GLS: variants seen among roughly 807,000 people sequenced by gnomAD.
The protein encoded by GLS is glutaminase.
GLS carries 36 observed loss-of-function variants against 86.7 expected under a neutral mutation model. That is an observed-to-expected ratio of 0.42 (90% CI 0.32 to 0.55). The LOEUF (loss-of-function observed/expected upper bound fraction) is 0.55, where lower values mean the gene tolerates loss of function less well. Among genes scored for constraint, GLS ranks in the 20% least tolerant of loss-of-function variants. GLS has a pLI of 0.17. For missense variants in GLS, 528 were observed against 833.4 expected, an observed-to-expected ratio of 0.63 and a Z score of 4.51; for synonymous variants, 317 against 305.9, an observed-to-expected ratio of 1.04 and a Z score of -0.38.
intron 14 of GLS, among the ~76,000 whole-genome samples, chr2:190,942,067 C>CTTTTTGTTTTT (rs1690450964): frequency 2.6e-5 from 1 of 38,054 alleles, no homozygotes; most frequent in Non-Finnish European, 5.8e-5. Context: ...ACTTTGAAGA[C>CTTTTTGTTTTT]TTTTTTTTTT....
In GLS at chr2:190,880,893, AGCAGCAG is replaced by A; in HGVS notation, c.-191_-185del. The stretch of plus-strand genomic sequence containing the variant: ...AGCGCGCAGCAGCAGCAGCAGCAGC[AGCAGCAG>A]CAGCAGCAGCAGCAGCAGCACCCGC... On this transcript the variant is annotated 5_prime_UTR_variant, in exon 1 of 18. Coordinates refer to ENST00000320717, the MANE Select transcript of GLS (RefSeq NM_014905.5). 2.0e-6 allele frequency: 1 copy of A among 511,368 alleles called. No homozygotes were observed. Among genetic ancestry groups the A allele is most frequent in the African/African-American group, 2.6e-5 (1 of 37,764 alleles). 31.7% of individuals were successfully genotyped at this position (511,368 alleles called of 1,614,324 possible).
chr2:190,915,813 AT>A (rs994535593), intron 7 of GLS, among the ~76,000 whole-genome samples: 21 of 152,200 alleles, frequency 1.4e-4, no homozygotes, highest in African/African-American at 4.6e-4. Flanking sequence ...GGTGTGAACC[AT>A]TGTAATAACT....
intron 14 of GLS, among the ~76,000 whole-genome samples, chr2:190,950,661 T>G (rs1229305185): frequency 1.3e-5 from 2 of 152,178 alleles, no homozygotes; most frequent in African/African-American, 2.4e-5. Context: ...TAGGACACCT[T>G]GGTGGGAAGA....
At chr2:190,898,639 CT>C (rs1006620009) in intron 3 of GLS, among the ~76,000 whole-genome samples, 2 of 151,080 alleles carry the variant, frequency 1.3e-5, no homozygotes, top group African/African-American at 4.9e-5. Flanking sequence ...ATTATAAATC[CT>C]TTTTTTTTGA....
At position 190,964,428 on chromosome 2, in the gene GLS, CTTT is replaced by C. The variant is rs112472193; in HGVS notation, c.*1449_*1451del. 1.3e-5 allele frequency: 2 copies of C among 151,444 alleles called. No individual in the cohort carries two copies. The highest frequency in any genetic ancestry group is 6.6e-5 in the Admixed American group (1 of 15,174). 9.4% of individuals were successfully genotyped at this position (151,444 alleles called of 1,614,324 possible). A position where few individuals can be genotyped will look rare whatever the true frequency, so the allele number is the denominator to read the frequency against. ...AGTTGTTATCACATACAGCAAATTC[CTTT>C]TTTTTTCTTTTTCTATGAGCACACT... On this transcript the variant is annotated 3_prime_UTR_variant, in exon 18 of 18. Transcript: ENST00000320717. The surrounding 1 kb of genome is among the most constrained non-coding windows in gnomAD (Gnocchi z 5.2).
rs1004769426 is a variant in GLS at position 190,956,068 on chromosome 2, G to A, written c.1853+1250G>A. ...CGCAAAAATTTTCTCCCATTCTGTA[G>A]GTTGCCTGTTCGCCCTGATGATAGT... On this transcript the variant is annotated intron_variant, in intron 17 of 17. Transcript: ENST00000320717. The surrounding 1 kb of genome is among the most constrained non-coding windows in gnomAD (Gnocchi z 4.2). Among the ~76,000 whole-genome samples, 3 of 152,152 alleles carry A rather than the reference G, an allele frequency of 2.0e-5. No individual in the cohort carries two copies. In the East Asian group the frequency reaches 5.8e-4, roughly 29 times the overall value.
intron 5 of GLS, 117 bp downstream of exon 5, chr2:190,902,143 T>C (rs1178259907): frequency 1.7e-6 from 1 of 599,468 alleles, no homozygotes; most frequent in African/African-American, 1.9e-5. Context: ...CAGGATATAA[T>C]TTCAAAAGGT....
intron 6 of GLS, among the ~76,000 whole-genome samples, chr2:190,908,710 A>G (rs950188235): frequency 3.3e-5 from 5 of 152,244 alleles, no homozygotes; most frequent in Non-Finnish European, 5.9e-5. Flanking sequence ...TTTATACTGC[A>G]GTTAGGCTGG....
At chr2:190,937,293 A>G (rs1206319874) in intron 14 of GLS, among the ~76,000 whole-genome samples, 1 of 151,338 alleles carries the variant, frequency 6.6e-6, no homozygotes, top group Non-Finnish European at 1.5e-5. Context: ...AAGGAATTTA[A>G]TTGGGTTGGG....
At position 190,881,217 on chromosome 2, in the gene GLS, G is replaced by A; in HGVS notation, c.133G>A (p.Ala45Thr). The A allele has an allele frequency of 8.0e-7, 1 of 1,247,224 alleles. No homozygotes were observed. Among genetic ancestry groups the A allele is most frequent in the Non-Finnish European group, 1.0e-6 (1 of 998,974 alleles). The allele number at this position is 1,247,224 out of a possible 1,614,324, so 77.3% of individuals were successfully genotyped here. ...GCGTCCCCGAGGCGGGGGACGGCCG[G>A]CCGCGGGCCCGGCTGCCGCCGCGCG... is the stretch of plus-strand genomic sequence containing the variant. Reference protein sequence around the residue: ...CRRPRGGGRPAAGPAAAARLH... With the variant: ...CRRPRGGGRPTAGPAAAARLH... Residue 45 changes from alanine to threonine, a missense_variant, in exon 1 of 18, where the codon GCC becomes ACC. Ala to Thr is a moderately conservative substitution (Grantham distance 58, BLOSUM62 0). Transcript: ENST00000320717.
In GLS at chr2:190,964,714, G is replaced by GGTAGCATTTGTAAGATGCTGCACAGGA. The variant is rs1691083904; in HGVS notation, c.*1730_*1756dup. 5 of 152,266 alleles carry GGTAGCATTTGTAAGATGCTGCACAGGA rather than the reference G, an allele frequency of 3.3e-5. No individual in the cohort carries two copies. The South Asian group carries it at 1.0e-3, about 32-fold the overall frequency. 9.4% of individuals were successfully genotyped at this position (152,266 alleles called of 1,614,324 possible). A position where few individuals can be genotyped will look rare whatever the true frequency, so the allele number is the denominator to read the frequency against. The stretch of plus-strand genomic sequence containing the variant: ...GTGGATCTAGCAAGCCATGGAGACA[G>GGTAGCATTTGTAAGATGCTGCACAGGA]GTAGCATTTGTAAGATGCTGCACAG... On this transcript the variant is annotated 3_prime_UTR_variant, in exon 18 of 18. Coordinates refer to ENST00000320717, the MANE Select transcript of GLS (RefSeq NM_014905.5). This position sits in a 1 kb window ranked among gnomAD's most constrained non-coding sequence, Gnocchi z 5.2.
rs927456426 is a variant in GLS, at chr2:190,947,905, G to A, written c.1651-5660G>A. ...TGTGTCAGCTTAGTTGGAAATACTC[G>A]TGGCGCTCTTTAACAGACCAGGAAG... On this transcript the variant is annotated intron_variant, in intron 14 of 17. Transcript: ENST00000320717. This position sits in a 1 kb window ranked among gnomAD's most constrained non-coding sequence, Gnocchi z 5.0. Among the ~76,000 whole-genome samples, 3 of 152,142 alleles carry A rather than the reference G, an allele frequency of 2.0e-5. No individual in the cohort carries two copies. Among genetic ancestry groups the A allele is most frequent in the African/African-American group, 7.2e-5 (3 of 41,424 alleles).
chr2:190,954,616 G>C lies in GLS; in HGVS notation c.1745G>C (p.Arg582Pro). Residue 582 changes from arginine (R) to proline (P), a missense_variant, in exon 16 of 18, where the codon CGG (arginine) becomes CCG (proline). By Grantham distance (103) the Arg-to-Pro change is moderately radical (BLOSUM62 -2). Transcript: ENST00000320717. This position sits in a 1 kb window ranked among gnomAD's most constrained non-coding sequence, Gnocchi z 4.0. ...FALSAMDMEQ[R>P]DYDSRTALHV... ...TTGTCAGCTATGGACATGGAACAGC[G>C]GGACTATGATTCTAGAACAGCACTC... 6.2e-7 allele frequency: 1 copy of C among 1,613,116 alleles called. No homozygotes were observed. Among genetic ancestry groups the C allele is most frequent in the Non-Finnish European group, 8.5e-7 (1 of 1,179,212 alleles).
At chr2:190,957,353 A>C (rs1690885098) in intron 17 of GLS, among the ~76,000 whole-genome samples, 3 of 152,130 alleles carry the variant, frequency 2.0e-5, no homozygotes, top group African/African-American at 7.2e-5. Flanking sequence ...TGGCCTCCCA[A>C]AGTGCTGGGA....
chr2:190,893,634 G>A (rs1222240499), intron 1 of GLS, among the ~76,000 whole-genome samples: 1 of 152,158 alleles, frequency 6.6e-6, no homozygotes, highest in East Asian at 1.9e-4. Context: ...TACCCACTCT[G>A]GAGTGTGGTG....
chr2:190,928,777 T>G (rs1689990040), intron 12 of GLS, among the ~76,000 whole-genome samples: 1 of 151,128 alleles, frequency 6.6e-6, no homozygotes, highest in Admixed American at 6.6e-5. Flanking sequence ...TTATTTTTGG[T>G]TGGAAAAACT....
chr2:190,887,312 G>A (rs1440353787), intron 1 of GLS, among the ~76,000 whole-genome samples: 1 of 152,106 alleles, frequency 6.6e-6, no homozygotes, highest in Non-Finnish European at 1.5e-5. Flanking sequence ...AGTCATCACT[G>A]CACTTAGTGA....
chr2:190,953,183 T>G lies in GLS; in HGVS notation c.1651-382T>G, dbSNP rs1395435981. ...GACATTTATATAGCATGATTTAATTTTTAATAATGTGAATTTTATCAGCAT... is the reference window on the plus strand; with the variant it reads ...GACATTTATATAGCATGATTTAATTGTTAATAATGTGAATTTTATCAGCAT... On this transcript the variant is annotated intron_variant, in intron 14 of 17. Coordinates refer to ENST00000320717, the MANE Select transcript of GLS (RefSeq NM_014905.5). The surrounding 1 kb of genome is among the most constrained non-coding windows in gnomAD (Gnocchi z 4.0). Among the ~76,000 whole-genome samples, 1 of 152,216 alleles carries G rather than the reference T, an allele frequency of 6.6e-6. No homozygotes were observed. Among genetic ancestry groups the G allele is most frequent in the East Asian group, 1.9e-4 (1 of 5,208 alleles).
Position 190,921,263 on chromosome 2 carries a change from C to A in GLS, c.1130+60C>A, listed in dbSNP as rs1044729707. The A allele has an allele frequency of 9.3e-7, 1 of 1,077,682 alleles. No homozygotes were observed. Among genetic ancestry groups the A allele is most frequent in the Non-Finnish European group, 1.4e-6 (1 of 694,432 alleles). 66.8% of individuals were successfully genotyped at this position (1,077,682 alleles called of 1,614,324 possible). A position where few individuals can be genotyped will look rare whatever the true frequency, so the allele number is the denominator to read the frequency against. On this transcript the variant is annotated intron_variant, in intron 9 of 17. Coordinates refer to ENST00000320717, the MANE Select transcript of GLS (RefSeq NM_014905.5). This position sits in a 1 kb window ranked among gnomAD's most constrained non-coding sequence, Gnocchi z 4.2. ...ACACACAACTGTATTTAGAATTGAT[C>A]CACTCTCTTTTCATTGGAGGGAAAT...
Sources: gnomAD v4.1 joint callset for allele counts (sites outside exome capture counted in the v4.1 genomes callset) on GRCh38, gnomAD v4.1.1 for gene constraint, Gnocchi (gnomAD v3.1) non-coding constraint, MANE v1.5 for transcripts, NCBI Gene and HGNC (gene_info 2026-07-23, HGNC 2026-07-21) for gene names.